Variants in ELAVL2 observed in about 807,000 individuals in gnomAD.
ELAVL2 encodes ELAV-like protein 2.
In ELAVL2, 4 loss-of-function variants were observed where a neutral mutation model predicts 34.6. The observed-to-expected ratio is 0.12, with a 90% CI of 0.06 to 0.26. ELAVL2 has a LOEUF of 0.26. ELAVL2 is among the 10% of genes least tolerant of loss of function. The pLI is 1.00. For missense variants in ELAVL2, 432 were observed against 442.8 expected, an observed-to-expected ratio of 0.98 and a Z score of 0.22; for synonymous variants, 193 against 154.8, an observed-to-expected ratio of 1.25 and a Z score of -1.83.
rs1433725826 is a variant in ELAVL2 at position 23,719,642 on chromosome 9, A to T, written c.333+11380T>A. 2.6e-5 allele frequency among the ~76,000 whole-genome samples: 4 copies of T among 152,106 alleles called. No individual in the cohort carries two copies. The South Asian group carries it at 6.2e-4, about 24-fold the overall frequency. On this transcript the variant is annotated intron_variant, in intron 3 of 6. Coordinates refer to ENST00000397312, the MANE Select transcript of ELAVL2 (RefSeq NM_004432.5). ...AAATTAAGTTTGCATATAGCAAAAA[A>T]TTTTTTCCTTTAAAAAATTATAGCA...
At chr9:23,698,229 A>G (rs1347463378) in intron 5 of ELAVL2, among the ~76,000 whole-genome samples, 1 of 152,226 alleles carries the variant, frequency 6.6e-6, no homozygotes, top group Non-Finnish European at 1.5e-5. Context: ...TTCTGATATC[A>G]TGTCCCAAGA....
intron 1 of ELAVL2, among the ~76,000 whole-genome samples, chr9:23,772,678 C>A (rs930439574): frequency 6.6e-6 from 1 of 151,924 alleles, no homozygotes. Flanking sequence ...TTGTGGAGAG[C>A]AAAACAAGGA....
At chr9:23,777,249 A>ATGGG (rs2058357763) in intron 1 of ELAVL2, among the ~76,000 whole-genome samples, 2 of 152,204 alleles carry the variant, frequency 1.3e-5, no homozygotes, top group South Asian at 4.1e-4. Flanking sequence ...TTAATCTGAG[A>ATGGG]TGGGTATGAA....
rs547792238 is a variant in ELAVL2, at chr9:23,716,589, T to C, written c.334-11518A>G. 1.7e-4 allele frequency among the ~76,000 whole-genome samples: 26 copies of C among 152,272 alleles called. No individual in the cohort carries two copies. The East Asian group carries it at 1.7e-3, about 10-fold the overall frequency. On this transcript the variant is annotated intron_variant, in intron 3 of 6. Coordinates refer to ENST00000397312, the MANE Select transcript of ELAVL2 (RefSeq NM_004432.5). ...GGTCTTCACTGTCTCTTATAAGCAA[T>C]AGACAGAAGCTTCCTCATGCAGAGG...
chr9:23,818,799 A>C (rs2064102406), intron 1 of ELAVL2, among the ~76,000 whole-genome samples: 1 of 152,332 alleles, frequency 6.6e-6, no homozygotes, highest in Middle Eastern at 3.4e-3. Context: ...AGTCATCAAA[A>C]AGGGGAATGG....
chr9:23,719,907 C>G (rs946860695), intron 3 of ELAVL2, among the ~76,000 whole-genome samples: 8 of 148,624 alleles, frequency 5.4e-5, no homozygotes, highest in Admixed American at 2.1e-4. Context: ...CTTACTGCAA[C>G]TTCCGCCTCC....
chr9:23,702,951 C>CAAAAAAACAAAAAAAAAAAAAAAAAA (rs2037830403), intron 4 of ELAVL2, among the ~76,000 whole-genome samples: 1 of 47,626 alleles, frequency 2.1e-5, no homozygotes, highest in Non-Finnish European at 4.0e-5. Flanking sequence ...ATCAGATTAG[C>CAAAAAAACAAAAAAAAAAAAAAAAAA]AAAAAAAAAA....
chr9:23,700,943 A>G (rs1042526795), intron 5 of ELAVL2, among the ~76,000 whole-genome samples: 1 of 152,016 alleles, frequency 6.6e-6, no homozygotes, highest in African/African-American at 2.4e-5. Context: ...AAAGCTACAG[A>G]TTAGAATTTC....
rs1162278674 is a variant in ELAVL2, at chr9:23,692,645, G to A, written c.992C>T (p.Ala331Val). The A allele has an allele frequency of 1.2e-6, 2 of 1,614,068 alleles. No individual in the cohort carries two copies. The highest frequency in any genetic ancestry group is 3.3e-5 in the Admixed American group (2 of 60,004). Residue 331 changes from alanine to valine, a missense_variant, in exon 7 of 7, where the codon GCC (alanine) becomes GTC (valine). Physicochemically the swap from Ala to Val is moderately conservative, Grantham distance 64. This residue lies in a region of ELAVL2 where 295 missense variants were observed against 306.1 expected (regional missense o/e 0.96). Coordinates refer to ENST00000397312, the MANE Select transcript of ELAVL2 (RefSeq NM_004432.5). ...FVTMTNYDEA[A>V]MAIASLNGYR... ...TCCATTGAGGCTAGCTATCGCCATG[G>A]CAGCCTCATCATAGTTTGTCATAGT...
chr9:23,706,874 A>C (rs1474244870), intron 3 of ELAVL2, among the ~76,000 whole-genome samples: 1 of 152,162 alleles, frequency 6.6e-6, no homozygotes, highest in Non-Finnish European at 1.5e-5. Flanking sequence ...AATATAAGCC[A>C]CATTTTATAC....
intron 4 of ELAVL2, among the ~76,000 whole-genome samples, chr9:23,704,302 C>T (rs1472718183): frequency 4.6e-5 from 7 of 152,044 alleles, no homozygotes; most frequent in Non-Finnish European, 1.0e-4. Flanking sequence ...ATCTATATTG[C>T]TATAGCTTTG....
At chr9:23,833,426 T>C in the ELAVL2 span, among the ~76,000 whole-genome samples, 3 of 151,820 alleles carry the variant, frequency 2.0e-5, no homozygotes, top group South Asian at 2.1e-4. Context: ...TGTTCTTTAA[T>C]ACAGATAAGA....
intron 1 of ELAVL2, among the ~76,000 whole-genome samples, chr9:23,822,618 G>C (rs2064971737): frequency 1.3e-5 from 2 of 152,162 alleles, no homozygotes; most frequent in Admixed American, 1.3e-4. Flanking sequence ...AACCCACCCC[G>C]GAGCCACGCG....
upstream of ELAVL2, among the ~76,000 whole-genome samples, chr9:23,829,211 G>A (rs1045876664): frequency 7.9e-5 from 12 of 152,214 alleles, no homozygotes; most frequent in African/African-American, 2.9e-4. Flanking sequence ...GCAAAAGTGT[G>A]AGGTGGATAA....
intron 1 of ELAVL2, among the ~76,000 whole-genome samples, chr9:23,822,650 T>TG (rs1388318722): frequency 6.6e-6 from 1 of 152,244 alleles, no homozygotes; most frequent in Non-Finnish European, 1.5e-5. Context: ...TTTTTACACC[T>TG]GCTCGGCCGC....
At chr9:23,735,127 A>AAAG (rs2047551514) in intron 2 of ELAVL2, 2 of 142,648 alleles carry the variant, frequency 1.4e-5, no homozygotes, top group Admixed American at 7.1e-5. Context: ...AAAAAAAAAA[A>AAAG]GCCCTTAAGA....
At position 23,739,760 on chromosome 9, in the gene ELAVL2, C is replaced by T. The variant is rs999633328; in HGVS notation, c.230-8635G>A. Among the ~76,000 whole-genome samples the T allele has an allele frequency of 5.3e-5, 8 of 151,296 alleles. No individual in the cohort carries two copies. In the Admixed American group the frequency reaches 5.3e-4, roughly 10 times the overall value. On this transcript the variant is annotated intron_variant, in intron 2 of 6. Coordinates refer to ENST00000397312, the MANE Select transcript of ELAVL2 (RefSeq NM_004432.5). ...TGCGACCAGCTGGTGTCAATCTTCA[C>T]AAACATGCACTCTTGCCTGTGCCTG...
chr9:23,701,329 G>T (rs753408773), intron 5 of ELAVL2, 50 bp downstream of exon 5: 6 of 1,586,096 alleles, frequency 3.8e-6, no homozygotes, highest in Non-Finnish European at 5.2e-6. Context: ...GTAAACCTGA[G>T]TATTCTCTTT....
chr9:23,766,246 C>A (rs555192972), intron 1 of ELAVL2, among the ~76,000 whole-genome samples: 2 of 152,152 alleles, frequency 1.3e-5, no homozygotes, highest in Non-Finnish European at 2.9e-5. Context: ...ATATTTTACT[C>A]TTCTTCCGTT....
Sources: allele counts gnomAD v4.1 joint callset (sites outside exome capture counted in the v4.1 genomes callset), GRCh38; gene constraint gnomAD v4.1.1; regional missense constraint gnomAD v4.1.1; transcripts MANE v1.5; gene names NCBI Gene and HGNC (gene_info 2026-07-23, HGNC 2026-07-21).